EPB41L3: variants seen among roughly 807,000 people sequenced by gnomAD.
EPB41L3 encodes the protein band 4.1-like protein 3.
In EPB41L3, 57 loss-of-function variants were observed where a neutral mutation model predicts 127.1. The ratio of observed to expected loss-of-function variants is 0.45; its 90% CI spans 0.36 to 0.56. The LOEUF is 0.56. Ranked by LOEUF, EPB41L3 falls within the 20% of genes least tolerant of loss-of-function variation. The probability of loss-of-function intolerance (pLI) is 0.00; values close to 1 mark genes in which losing one functional copy is unlikely to be tolerated. For missense variants in EPB41L3, 1,273 were observed against 1,372.2 expected, an observed-to-expected ratio of 0.93 and a Z score of 1.14; for synonymous variants, 572 against 549.5, an observed-to-expected ratio of 1.04 and a Z score of -0.57.
chr18:5,484,927 CTACT>C (rs2089464862), intron 2 of EPB41L3, among the ~76,000 whole-genome samples: 1 of 151,616 alleles, frequency 6.6e-6, no homozygotes, highest in East Asian at 1.9e-4. Flanking sequence ...AATACTGATC[CTACT>C]TAAACTCTTC....
rs185249591 is a variant in EPB41L3 at position 5,519,292 on chromosome 18, A to C, written c.-12+24621T>G. 2.9e-3 allele frequency among the ~76,000 whole-genome samples: 448 copies of C among 152,350 alleles called. 2 individuals carry two copies. Among genetic ancestry groups the C allele is most frequent in the Non-Finnish European group, 3.8e-3 (257 of 68,034 alleles). On this transcript the variant is annotated intron_variant, in intron 1 of 22. Coordinates refer to ENST00000341928, the MANE Select transcript of EPB41L3 (RefSeq NM_012307.5). ...TGCTCAGGAAGGCTGTCAAACTGCT[A>C]ATCTTACAGGAGAGTATGGGAAACC...
At chr18:5,615,156 G>GA (rs900412994) in intron 1 of EPB41L3, among the ~76,000 whole-genome samples, 3 of 150,246 alleles carry the variant, frequency 2.0e-5, no homozygotes, top group East Asian at 1.9e-4. Flanking sequence ...AGATATCAGA[G>GA]AAAAAAAAAG....
At chr18:5,395,969 G>A (rs1351343754) in intron 19 of EPB41L3, among the ~76,000 whole-genome samples, 2 of 152,108 alleles carry the variant, frequency 1.3e-5, no homozygotes, top group Non-Finnish European at 2.9e-5. Context: ...AGGGAAACAG[G>A]TTTCTGAGCC....
chr18:5,436,520 T>C (rs942957878), intron 6 of EPB41L3, among the ~76,000 whole-genome samples: 4 of 147,752 alleles, frequency 2.7e-5, no homozygotes, highest in African/African-American at 9.8e-5. Context: ...GCCATTCTCC[T>C]GCCTCAGCCT....
At chr18:5,404,732 C>T (rs184155290) in intron 16 of EPB41L3, among the ~76,000 whole-genome samples, 2 of 152,254 alleles carry the variant, frequency 1.3e-5, no homozygotes, top group African/African-American at 4.8e-5. Flanking sequence ...TTCAAAGTGG[C>T]GATCACTTAG....
chr18:5,460,630 T>C (rs1289677124), intron 3 of EPB41L3, among the ~76,000 whole-genome samples: 2 of 152,200 alleles, frequency 1.3e-5, no homozygotes, highest in Non-Finnish European at 2.9e-5. Context: ...ATCAGTGAGA[T>C]GTTTCTGATG....
At chr18:5,494,022 A>G (rs2090893173) in intron 1 of EPB41L3, among the ~76,000 whole-genome samples, 1 of 152,166 alleles carries the variant, frequency 6.6e-6, no homozygotes, top group Non-Finnish European at 1.5e-5. Context: ...TCTTTCTTGG[A>G]GAGCTCATCC....
intron 1 of EPB41L3, among the ~76,000 whole-genome samples, chr18:5,525,021 ATTTCT>A (rs2093166276): frequency 6.6e-6 from 1 of 152,224 alleles, no homozygotes; most frequent in Non-Finnish European, 1.5e-5. Context: ...TCAGTTCTTC[ATTTCT>A]AATCATTCAT....
At chr18:5,603,806 G>A (rs1416621606) in intron 3 of EPB41L3, among the ~76,000 whole-genome samples, 1 of 151,924 alleles carries the variant, frequency 6.6e-6, no homozygotes, top group Non-Finnish European at 1.5e-5. Context: ...AGGCTGCAGT[G>A]AACTATGATC....
At chr18:5,609,456 C>T (rs938012985) in intron 3 of EPB41L3, among the ~76,000 whole-genome samples, 6 of 152,290 alleles carry the variant, frequency 3.9e-5, no homozygotes, top group African/African-American at 1.4e-4. Context: ...GACCACAACC[C>T]TCCTTCCCAG....
intron 3 of EPB41L3, among the ~76,000 whole-genome samples, chr18:5,574,857 A>C (rs911790677): frequency 2.0e-5 from 3 of 152,194 alleles, no homozygotes; most frequent in African/African-American, 4.8e-5. Flanking sequence ...ATTTCCCTGT[A>C]ATAGAACTTG....
intron 1 of EPB41L3, chr18:5,540,611 G>T: frequency 1.1e-6 from 1 of 942,968 alleles, no homozygotes; most frequent in Non-Finnish European, 1.3e-6. Flanking sequence ...TCAGCAGCTA[G>T]CTAGCCGTTT....
chr18:5,439,089 T>G (rs1368359093), intron 5 of EPB41L3, among the ~76,000 whole-genome samples: 3 of 152,136 alleles, frequency 2.0e-5, no homozygotes. Context: ...TTCTCTGTGG[T>G]GCTGTTCATA....
intron 1 of EPB41L3, among the ~76,000 whole-genome samples, chr18:5,512,010 T>C (rs1417446794): frequency 6.6e-6 from 1 of 152,244 alleles, no homozygotes; most frequent in Non-Finnish European, 1.5e-5. Flanking sequence ...TAGAATTTTC[T>C]TTCTGGTCAA....
At chr18:5,399,123 G>C (rs1161254506) in intron 16 of EPB41L3, 1 of 398,926 alleles carries the variant, frequency 2.5e-6, no homozygotes, top group Admixed American at 4.4e-5. Context: ...AGCTTTCCCA[G>C]TCATAGTAAC....
At chr18:5,424,530 T>C (rs529326811) in intron 9 of EPB41L3, among the ~76,000 whole-genome samples, 171 bp from the exon 10 acceptor site, 203 of 152,320 alleles carry the variant, frequency 1.3e-3, no homozygotes, top group Non-Finnish European at 1.5e-3. Context: ...ATTTCAAAAA[T>C]GTGTCTTTAA....
At chr18:5,584,315 C>T (rs569454344) in intron 3 of EPB41L3, among the ~76,000 whole-genome samples, 60 of 152,254 alleles carry the variant, frequency 3.9e-4, no homozygotes, top group African/African-American at 1.3e-3. Flanking sequence ...TACAACAGAA[C>T]GTAACCCGTC....
At chr18:5,439,306 C>T (rs920863849) in intron 5 of EPB41L3, among the ~76,000 whole-genome samples, 2 of 152,186 alleles carry the variant, frequency 1.3e-5, no homozygotes, top group Non-Finnish European at 2.9e-5. Flanking sequence ...CCCAAGACTT[C>T]CAAATCTCCC....
intron 3 of EPB41L3, among the ~76,000 whole-genome samples, chr18:5,600,091 A>T (rs2094575081): frequency 6.6e-6 from 1 of 152,188 alleles, no homozygotes; most frequent in African/African-American, 2.4e-5. Flanking sequence ...AAACTTTCAA[A>T]ATGTAGTTAG....
Sources: allele counts gnomAD v4.1 joint callset (sites outside exome capture counted in the v4.1 genomes callset), GRCh38; gene constraint gnomAD v4.1.1; transcripts MANE v1.5; gene names NCBI Gene and HGNC (gene_info 2026-07-23, HGNC 2026-07-21).